The following SLC9B1 variants were observed in gnomAD, a reference collection of about 807,000 sequenced individuals.
SLC9B1 encodes the protein sodium/hydrogen exchanger 9B1.
Under a neutral mutation model 51.7 loss-of-function variants are expected in SLC9B1, and 32 were observed. That is an observed-to-expected ratio of 0.62 (90% CI 0.47 to 0.83). SLC9B1 has a LOEUF of 0.83. SLC9B1 is among the 40% of genes least tolerant of loss of function. The probability of loss-of-function intolerance (pLI) is 0.00; values close to 1 mark genes in which losing one functional copy is unlikely to be tolerated. For synonymous variants in SLC9B1, 145 were observed against 212.7 expected, an observed-to-expected ratio of 0.68 and a Z score of 2.77; for missense variants, 406 against 613.2, an observed-to-expected ratio of 0.66 and a Z score of 3.57.
At chr4:102,890,865 T>C (rs1232234157) in intron 11 of SLC9B1, 1 of 106,148 alleles carries the variant, frequency 9.4e-6, no homozygotes, top group African/African-American at 4.4e-5. Flanking sequence ...TCTTTTTTTT[T>C]TTTCATCTAA....
chr4:102,925,368 C>T (rs978533441), intron 7 of SLC9B1, among the ~76,000 whole-genome samples: 7 of 152,080 alleles, frequency 4.6e-5, no homozygotes, highest in Non-Finnish European at 8.8e-5. Context: ...AACACTTGGA[C>T]ACAGGGTGGG....
intron 1 of SLC9B1, among the ~76,000 whole-genome samples, chr4:102,993,827 AG>A (rs1158224975): frequency 6.6e-6 from 1 of 152,218 alleles, no homozygotes; most frequent in Non-Finnish European, 1.5e-5. Context: ...ACCACGTGTA[AG>A]CTGCCAAGCC....
chr4:102,928,375 C>G (rs1392699913), intron 7 of SLC9B1, among the ~76,000 whole-genome samples: 1 of 152,212 alleles, frequency 6.6e-6, no homozygotes, highest in African/African-American at 2.4e-5. Context: ...CAGTTCCCAA[C>G]AAGTTCTTTA....
At chr4:102,922,642 A>G (rs1023227648) in intron 7 of SLC9B1, among the ~76,000 whole-genome samples, 1 of 152,194 alleles carries the variant, frequency 6.6e-6, no homozygotes, top group African/African-American at 2.4e-5. Flanking sequence ...AAGATCAACA[A>G]AATTGACAGA....
At chr4:102,988,706 A>T (rs1046954209) in intron 3 of SLC9B1, among the ~76,000 whole-genome samples, 2 of 152,114 alleles carry the variant, frequency 1.3e-5, no homozygotes, top group Non-Finnish European at 2.9e-5. Flanking sequence ...GCACCCCTAA[A>T]TAGAAACACA....
At chr4:102,979,157 T>C (rs540035634) in intron 3 of SLC9B1, among the ~76,000 whole-genome samples, 5 of 152,348 alleles carry the variant, frequency 3.3e-5, no homozygotes, top group African/African-American at 1.2e-4. Context: ...AGTTCATTGA[T>C]GTTAGAGACA....
In SLC9B1 at chr4:102,970,012, T is replaced by C. The variant is rs552917373; in HGVS notation, c.211+19788A>G. On this transcript the variant is annotated intron_variant, in intron 3 of 11. Transcript: ENST00000296422. ...GTGAAAAGACCAAATCTAAGTTTGA[T>C]TGGTGTACTTGAAAGTGATGGGGAG... 2.6e-5 allele frequency among the ~76,000 whole-genome samples: 4 copies of C among 152,242 alleles called. No homozygotes were observed. The South Asian group carries it at 6.2e-4, about 24-fold the overall frequency.
At chr4:102,982,963 A>G (rs1164042863) in intron 3 of SLC9B1, among the ~76,000 whole-genome samples, 1 of 152,110 alleles carries the variant, frequency 6.6e-6, no homozygotes, top group Admixed American at 6.6e-5. Context: ...CTTGTTACTG[A>G]TCTAGAAGAA....
At chr4:102,975,586 A>ATTTTTTTTTTTTTTTTT (rs1197166005) in intron 3 of SLC9B1, among the ~76,000 whole-genome samples, 4 of 62,304 alleles carry the variant, frequency 6.4e-5, no homozygotes, top group Non-Finnish European at 8.0e-5. Flanking sequence ...ATATATATAT[A>ATTTTTTTTTTTTTTTTT]TTTTTTTTTT....
chr4:102,962,576 A>T (rs1738195325), intron 3 of SLC9B1: 2 of 475,234 alleles, frequency 4.2e-6, no homozygotes, highest in Admixed American at 2.3e-5. Context: ...TATGTTAATG[A>T]GTATAGTCAT....
intron 3 of SLC9B1, among the ~76,000 whole-genome samples, chr4:102,987,340 C>A (rs1475025408): frequency 6.6e-6 from 1 of 152,142 alleles, no homozygotes; most frequent in Non-Finnish European, 1.5e-5. Context: ...ATCTTACTAT[C>A]AGTTTTTATG....
At chr4:102,886,211 A>G (rs1251478649) in intron 11 of SLC9B1, among the ~76,000 whole-genome samples, 2 of 152,176 alleles carry the variant, frequency 1.3e-5, no homozygotes, top group Non-Finnish European at 2.9e-5. Flanking sequence ...CACGCAGGCC[A>G]GGCGCGGTGG....
At chr4:102,995,829 CATA>C (rs576679968) in intron 1 of SLC9B1, among the ~76,000 whole-genome samples, 85 of 152,206 alleles carry the variant, frequency 5.6e-4, no homozygotes, top group Non-Finnish European at 1.1e-3. Context: ...TATTGGTTAT[CATA>C]ATAATTAAAT....
chr4:102,974,213 G>A (rs1738913841), intron 3 of SLC9B1, among the ~76,000 whole-genome samples: 1 of 120,094 alleles, frequency 8.3e-6, no homozygotes, highest in African/African-American at 3.3e-5. Context: ...TTCCAGCCTG[G>A]GCAACAGAGC....
At chr4:102,942,167 AC>A (rs1737035848) in intron 6 of SLC9B1, among the ~76,000 whole-genome samples, 5 of 152,206 alleles carry the variant, frequency 3.3e-5, no homozygotes, top group Non-Finnish European at 7.3e-5. Flanking sequence ...AAAGACTTCT[AC>A]AGTGAAAACT....
intron 7 of SLC9B1, among the ~76,000 whole-genome samples, chr4:102,925,325 G>A (rs1560930616): frequency 6.6e-6 from 1 of 152,070 alleles, no homozygotes; most frequent in African/African-American, 2.4e-5. Flanking sequence ...AACACCGCAT[G>A]TTCTCACTCA....
intron 6 of SLC9B1, chr4:102,941,472 T>C (rs1160309175): frequency 6.6e-6 from 3 of 454,728 alleles, no homozygotes; most frequent in East Asian, 1.4e-4. Flanking sequence ...AGAATGGCTA[T>C]TATCAAAAAG....
intron 3 of SLC9B1, among the ~76,000 whole-genome samples, chr4:102,964,509 T>C (rs551705394): frequency 1.2e-4 from 19 of 152,320 alleles, no homozygotes; most frequent in Admixed American, 4.6e-4. Context: ...CACAGCTATA[T>C]ACCAATATCC....
chr4:102,923,270 A>G (rs1484723473), intron 7 of SLC9B1, among the ~76,000 whole-genome samples: 1 of 152,234 alleles, frequency 6.6e-6, no homozygotes, highest in Non-Finnish European at 1.5e-5. Flanking sequence ...ACACAAATCA[A>G]TAAATGTAAT....
Sources: gnomAD v4.1 joint callset for allele counts (sites outside exome capture counted in the v4.1 genomes callset) on GRCh38, gnomAD v4.1.1 for gene constraint, MANE v1.5 for transcripts, NCBI Gene and HGNC (gene_info 2026-07-23, HGNC 2026-07-21) for gene names.